FGF13: variants seen among roughly 807,000 people sequenced by gnomAD.
FGF13 encodes fibroblast growth factor 13.
FGF13 carries 2 observed loss-of-function variants against 19.5 expected under a neutral mutation model. The ratio of observed to expected loss-of-function variants is 0.10; its 90% CI spans 0.04 to 0.32. The LOEUF (loss-of-function observed/expected upper bound fraction) is 0.32. FGF13 is among the 10% of genes least tolerant of loss of function. The pLI, the probability that FGF13 is intolerant of heterozygous loss-of-function variation, is 1.00. For missense variants in FGF13, 113 were observed against 192.7 expected, an observed-to-expected ratio of 0.59 and a Z score of 2.45; for synonymous variants, 72 against 76.9, an observed-to-expected ratio of 0.94 and a Z score of 0.33.
intron 3 of FGF13, among the ~76,000 whole-genome samples, chrX:138,787,817 T>C (rs1295402069): frequency 1.8e-5 from 2 of 110,131 alleles, no homozygotes; most frequent in African/African-American, 3.3e-5. Flanking sequence ...CTTCTTCTTA[T>C]AAGGTCACTA....
chrX:138,856,473 A>C (rs2124138556), downstream of FGF13, among the ~76,000 whole-genome samples: 1 of 112,073 alleles, frequency 8.9e-6, no homozygotes, highest in South Asian at 3.7e-4. Flanking sequence ...AAAGACAATT[A>C]TCATAAGGAT....
At chrX:138,735,355 T>C (rs1226285541) in intron 1 of FGF13, among the ~76,000 whole-genome samples, 3 of 111,911 alleles carry the variant, frequency 2.7e-5, no homozygotes, top group African/African-American at 9.7e-5. Flanking sequence ...CAAGGCGAAG[T>C]TCCTGTATCA....
At chrX:138,777,300 C>A (rs2090595266) in intron 3 of FGF13, among the ~76,000 whole-genome samples, 1 of 111,454 alleles carries the variant, frequency 9.0e-6, no homozygotes, top group Non-Finnish European at 1.9e-5. Flanking sequence ...GGCAGCCAGG[C>A]AGTACTGGCA....
intron 1 of FGF13, among the ~76,000 whole-genome samples, chrX:139,038,947 T>C (rs779980062): frequency 4.5e-5 from 5 of 112,021 alleles, no homozygotes; most frequent in African/African-American, 1.6e-4. Flanking sequence ...CACTTAATCA[T>C]TAGAACAATT....
intron 1 of FGF13, among the ~76,000 whole-genome samples, chrX:139,099,377 C>CAA (rs59882808): frequency 1.0e-3 from 34 of 32,817 alleles, no homozygotes; most frequent in African/African-American, 2.2e-3. Flanking sequence ...GTTTCTATCT[C>CAA]AAAAAAAAAA....
intron 1 of FGF13, among the ~76,000 whole-genome samples, chrX:138,884,164 G>T (rs1315678966): frequency 8.9e-6 from 1 of 112,066 alleles, no homozygotes; most frequent in African/African-American, 3.2e-5. Context: ...TACAGGTGTT[G>T]GAGAAATAGA....
At chrX:139,062,237 G>C (rs752482643) in intron 1 of FGF13, among the ~76,000 whole-genome samples, 24 of 111,453 alleles carry the variant, frequency 2.2e-4, no homozygotes, top group African/African-American at 6.5e-4. Context: ...AGTTGTTTTT[G>C]TATAGGTGTA....
chrX:139,082,782 C>T, intron 1 of FGF13, among the ~76,000 whole-genome samples: 1 of 111,516 alleles, frequency 9.0e-6, no homozygotes, highest in East Asian at 2.8e-4. Flanking sequence ...TTTGTTATGG[C>T]CATCCTAGGA....
At chrX:138,744,081 G>A (rs1273190995), upstream of FGF13, among the ~76,000 whole-genome samples, 1 of 106,731 alleles carries the variant, frequency 9.4e-6, no homozygotes, top group African/African-American at 3.3e-5. Flanking sequence ...CCAGGAAGGA[G>A]GGGAAATGCC....
chrX:138,865,183 C>G (rs1258688483), intron 1 of FGF13, among the ~76,000 whole-genome samples: 1 of 111,833 alleles, frequency 8.9e-6, no homozygotes, highest in East Asian at 2.8e-4. Flanking sequence ...CTCCTCTGCC[C>G]AGTACGAACG....
chrX:138,763,960 T>G (rs961849045), intron 3 of FGF13, among the ~76,000 whole-genome samples: 8 of 111,214 alleles, frequency 7.2e-5, no homozygotes, highest in Non-Finnish European at 1.5e-4. Context: ...CTAGATACCT[T>G]GCCAACTACC....
At chrX:138,720,496 A>G (rs942924780) in intron 1 of FGF13, among the ~76,000 whole-genome samples, 2 of 112,079 alleles carry the variant, frequency 1.8e-5, no homozygotes, top group African/African-American at 6.5e-5. Context: ...CATGTTTTAA[A>G]AAATGACTCT....
chrX:138,864,311 G>C (rs2091305271), intron 2 of FGF13, among the ~76,000 whole-genome samples: 1 of 112,777 alleles, frequency 8.9e-6, no homozygotes, highest in Admixed American at 9.3e-5. Flanking sequence ...CAGGAAGAGA[G>C]GGGAATGCAC....
chrX:138,742,696 T>C (rs1417579899), upstream of FGF13, among the ~76,000 whole-genome samples: 1 of 111,969 alleles, frequency 8.9e-6, no homozygotes, highest in Non-Finnish European at 1.9e-5. Context: ...ACAAGTAAGC[T>C]TCCTGCCTTC....
At chrX:139,090,344 A>G (rs2083431746) in intron 1 of FGF13, among the ~76,000 whole-genome samples, 1 of 111,695 alleles carries the variant, frequency 9.0e-6, no homozygotes, top group African/African-American at 3.3e-5. Context: ...AGTGACTATT[A>G]ATAATGATAA....
In FGF13 at chrX:138,643,034, C is replaced by T. The variant is rs151154711; in HGVS notation, c.403-7379G>A. On this transcript the variant is annotated intron_variant, in intron 3 of 4. Transcript: ENST00000315930. ...GATATTTCATAGATATTTTAATTTACCTTATGTTGGCCCCACAAAATATGT... is the reference window on the plus strand; with the variant it reads ...GATATTTCATAGATATTTTAATTTATCTTATGTTGGCCCCACAAAATATGT... Among the ~76,000 whole-genome samples, 658 of 112,055 alleles carry T rather than the reference C, an allele frequency of 5.9e-3. 5 individuals carry two copies. The Middle Eastern group carries it at 0.068, about 12-fold the overall frequency.
intron 1 of FGF13, among the ~76,000 whole-genome samples, chrX:139,141,829 G>T (rs1223975949): frequency 6.2e-5 from 7 of 112,242 alleles, no homozygotes; most frequent in Admixed American, 5.7e-4. Context: ...CTGGTTTCCA[G>T]TAGGCACATA....
chrX:138,906,099 A>G (rs189153870), intron 1 of FGF13, among the ~76,000 whole-genome samples: 30 of 111,848 alleles, frequency 2.7e-4, no homozygotes, highest in African/African-American at 9.4e-4. Flanking sequence ...CTATTAAGTG[A>G]ATGCTCAGTC....
chrX:139,001,724 C>T (rs2092074291), intron 1 of FGF13, among the ~76,000 whole-genome samples: 2 of 111,725 alleles, frequency 1.8e-5, no homozygotes, highest in Non-Finnish European at 3.8e-5. Context: ...AATAGGAATG[C>T]TTTTACACTG....
Sources: allele counts gnomAD v4.1 joint callset (sites outside exome capture counted in the v4.1 genomes callset), GRCh38; gene constraint gnomAD v4.1.1; transcripts MANE v1.5; gene names NCBI Gene and HGNC (gene_info 2026-07-23, HGNC 2026-07-21).